The following GRM3 variants were observed in gnomAD, a reference collection of about 807,000 sequenced individuals.
The protein encoded by GRM3 is glutamate metabotropic receptor 3, also known as metabotropic glutamate receptor 3.
In GRM3, 26 loss-of-function variants were observed where a neutral mutation model predicts 70.5. The observed-to-expected ratio is 0.37, with a 90% confidence interval of 0.27 to 0.51. The LOEUF (loss-of-function observed/expected upper bound fraction) is 0.51. Among genes scored for constraint, GRM3 ranks in the 20% least tolerant of loss-of-function variants. GRM3 has a pLI of 0.93. For missense variants in GRM3, 859 were observed against 1,123.8 expected, an observed-to-expected ratio of 0.76 and a Z score of 3.37; for synonymous variants, 443 against 434.9, an observed-to-expected ratio of 1.02 and a Z score of -0.23.
chr7:86,691,172 A>T (rs561243385), intron 1 of GRM3, among the ~76,000 whole-genome samples: 62 of 152,228 alleles, frequency 4.1e-4, no homozygotes, highest in Admixed American at 3.5e-3. Flanking sequence ...TCCAAATCAG[A>T]TATAAAATCT....
chr7:86,816,792 T>C (rs1343268345), intron 3 of GRM3, among the ~76,000 whole-genome samples: 1 of 151,984 alleles, frequency 6.6e-6, no homozygotes, highest in Admixed American at 6.6e-5. Context: ...CAGACATCAA[T>C]TCCTACCTTC....
intron 1 of GRM3, among the ~76,000 whole-genome samples, chr7:86,752,798 G>A (rs1007795292): frequency 6.6e-6 from 1 of 152,032 alleles, no homozygotes; most frequent in Non-Finnish European, 1.5e-5. Flanking sequence ...TTTGACATTA[G>A]GGGTCAGTTA....
intron 1 of GRM3, among the ~76,000 whole-genome samples, chr7:86,686,404 T>C (rs1794568580): frequency 6.6e-6 from 1 of 152,214 alleles, no homozygotes; most frequent in Non-Finnish European, 1.5e-5. Context: ...AAAATTTTTC[T>C]TGTGTGATAC....
intron 1 of GRM3, among the ~76,000 whole-genome samples, chr7:86,700,215 C>T (rs1341373248): frequency 6.6e-6 from 1 of 151,952 alleles, no homozygotes; most frequent in Admixed American, 6.6e-5. Context: ...ATCTGCATAA[C>T]TAGCCAACTA....
chr7:86,682,309 T>C (rs1794459902), intron 1 of GRM3, among the ~76,000 whole-genome samples: 1 of 152,194 alleles, frequency 6.6e-6, no homozygotes, highest in Non-Finnish European at 1.5e-5. Flanking sequence ...TAAAATATGG[T>C]ACGTGTCATA....
At chr7:86,776,376 T>C (rs1032375734) in intron 2 of GRM3, among the ~76,000 whole-genome samples, 2 of 152,170 alleles carry the variant, frequency 1.3e-5, no homozygotes, top group African/African-American at 4.8e-5. Flanking sequence ...TTTGCTTCAA[T>C]ACCATTTGCT....
chr7:86,780,636 G>A (rs944678752), intron 2 of GRM3, among the ~76,000 whole-genome samples: 4 of 152,168 alleles, frequency 2.6e-5, no homozygotes, highest in Non-Finnish European at 5.9e-5. Context: ...AATGGGTTCT[G>A]CTATAAGGCC....
intron 1 of GRM3, among the ~76,000 whole-genome samples, chr7:86,649,530 T>A (rs993173874): frequency 6.6e-6 from 1 of 152,032 alleles, no homozygotes; most frequent in African/African-American, 2.4e-5. Context: ...CCAAAGTAAC[T>A]CTGATCTTTA....
intron 5 of GRM3, among the ~76,000 whole-genome samples, chr7:86,861,469 G>A (rs1323535701): frequency 6.6e-6 from 1 of 152,164 alleles, no homozygotes; most frequent in Non-Finnish European, 1.5e-5. Flanking sequence ...ACTGGGCTAG[G>A]CTGAGTTTCA....
chr7:86,789,638 A>C (rs570216835), intron 3 of GRM3, among the ~76,000 whole-genome samples: 1 of 152,322 alleles, frequency 6.6e-6, no homozygotes, highest in Admixed American at 6.5e-5. Flanking sequence ...CAGACACTAA[A>C]CAGTCTGTTC....
Position 86,864,769 on chromosome 7 carries a change from T to C in GRM3, c.*414T>C, listed in dbSNP as rs1202202643. ...ACTAATTTAGGATGAGTTTCTATGTTGTATATTAAAGTTACATTATGTGTA... is the reference window on the plus strand; with the variant it reads ...ACTAATTTAGGATGAGTTTCTATGTCGTATATTAAAGTTACATTATGTGTA... On this transcript the variant is annotated 3_prime_UTR_variant, in exon 6 of 6. Transcript: ENST00000361669. The C allele has an allele frequency of 2.5e-5, 4 of 157,204 alleles. No individual in the cohort carries two copies. Among genetic ancestry groups the C allele is most frequent in the African/African-American group, 9.6e-5 (4 of 41,578 alleles). The allele number at this position is 157,204 out of a possible 1,614,324, so 9.7% of individuals were successfully genotyped here. A position where few individuals can be genotyped will look rare whatever the true frequency, so the allele number is the denominator to read the frequency against.
chr7:86,791,988 G>T (rs531594971), intron 3 of GRM3, among the ~76,000 whole-genome samples: 21 of 152,172 alleles, frequency 1.4e-4, no homozygotes, highest in African/African-American at 5.1e-4. Context: ...AATTATGTTT[G>T]GTGTCATGTG....
intron 1 of GRM3, among the ~76,000 whole-genome samples, chr7:86,683,457 G>A (rs528274194): frequency 2.6e-5 from 4 of 152,158 alleles, no homozygotes; most frequent in African/African-American, 7.2e-5. Context: ...ACATCAGCAC[G>A]TGGACCATAA....
chr7:86,857,452 T>A (rs1164359538), intron 5 of GRM3, among the ~76,000 whole-genome samples: 2 of 152,152 alleles, frequency 1.3e-5, no homozygotes, highest in Non-Finnish European at 2.9e-5. Flanking sequence ...AAATTTTGGC[T>A]GTGTGGGCAA....
intron 5 of GRM3, among the ~76,000 whole-genome samples, chr7:86,863,040 A>T (rs1798989500): frequency 6.6e-6 from 1 of 152,140 alleles, no homozygotes; most frequent in Middle Eastern, 3.2e-3. Flanking sequence ...TACTGGTCAG[A>T]GTATATACAA....
chr7:86,743,648 T>G (rs1399014284), intron 1 of GRM3, among the ~76,000 whole-genome samples: 3 of 152,142 alleles, frequency 2.0e-5, no homozygotes, highest in Non-Finnish European at 4.4e-5. Flanking sequence ...GTGTCCTGTA[T>G]TGATTGAAAT....
At position 86,793,814 on chromosome 7, in the gene GRM3, T is replaced by C. The variant is rs571999351; in HGVS notation, c.1324+6698T>C. Among the ~76,000 whole-genome samples the C allele has an allele frequency of 1.4e-4, 22 of 152,286 alleles. 1 individual carries two copies. The South Asian group carries it at 4.6e-3, about 32-fold the overall frequency. On this transcript the variant is annotated intron_variant, in intron 3 of 5. Coordinates refer to ENST00000361669, the MANE Select transcript of GRM3 (RefSeq NM_000840.3). The stretch of plus-strand genomic sequence containing the variant: ...CTTGTTATTTTTACTATTATCATTA[T>C]AGTTGTTATTATTATTGTCATTATT...
At chr7:86,702,021 C>T (rs1562830944) in intron 1 of GRM3, among the ~76,000 whole-genome samples, 1 of 151,900 alleles carries the variant, frequency 6.6e-6, no homozygotes, top group Non-Finnish European at 1.5e-5. Context: ...ATCTGAGAGC[C>T]AAGACTAGAC....
At chr7:86,719,905 C>T (rs1165364041) in intron 1 of GRM3, among the ~76,000 whole-genome samples, 1 of 152,004 alleles carries the variant, frequency 6.6e-6, no homozygotes, top group Non-Finnish European at 1.5e-5. Flanking sequence ...GGAAGGATGG[C>T]TTGCTCACAA....
Sources: gnomAD v4.1 joint callset for allele counts (sites outside exome capture counted in the v4.1 genomes callset) on GRCh38, gnomAD v4.1.1 for gene constraint, MANE v1.5 for transcripts, NCBI Gene and HGNC (gene_info 2026-07-23, HGNC 2026-07-21) for gene names.